Variants in AZGP1 observed in about 807,000 individuals in gnomAD.
AZGP1 encodes the protein alpha-2-glycoprotein 1, zinc-binding, also known as zinc-alpha-2-glycoprotein.
AZGP1 carries 28 observed loss-of-function variants against 31.5 expected under a neutral mutation model. The ratio of observed to expected loss-of-function variants is 0.89; its 90% CI spans 0.66 to 1.22. The LOEUF is 1.22. Among genes scored for constraint, AZGP1 ranks in the 50% most tolerant of loss-of-function variants. The probability of loss-of-function intolerance (pLI) is 0.00; values close to 1 mark genes in which losing one functional copy is unlikely to be tolerated. For synonymous variants in AZGP1, 135 were observed against 145.4 expected, an observed-to-expected ratio of 0.93 and a Z score of 0.51; for missense variants, 361 against 371.8, an observed-to-expected ratio of 0.97 and a Z score of 0.24.
chr7:99,974,369 C>T (rs950518823), intron 1 of AZGP1, among the ~76,000 whole-genome samples: 7 of 151,804 alleles, frequency 4.6e-5, no homozygotes, highest in Admixed American at 1.3e-4. Context: ...GGGCAGATCA[C>T]GAGGTCAGGA....
At chr7:99,975,158 A>C (rs761970937) in intron 1 of AZGP1, among the ~76,000 whole-genome samples, 1 of 152,190 alleles carries the variant, frequency 6.6e-6, no homozygotes, top group Non-Finnish European at 1.5e-5. Context: ...GTACGTACAT[A>C]TATATGTATA....
chr7:99,968,294 G>C lies in AZGP1; in HGVS notation c.474C>G (p.Asp158Glu). ...NKEIPAWVPF[D>E]PAAQITKQKW... ...TCTGCTTGGTTATCTGGGCTGCTGG[G>C]TCGAAGGGGACCCAGGCTGGGATTT... The change falls in exon 3 of 4, where the codon GAC becomes GAG. Residue 158 changes from aspartate to glutamate, a missense_variant. Coordinates refer to ENST00000292401, the MANE Select transcript of AZGP1 (RefSeq NM_001185.4). The C allele has an allele frequency of 6.2e-7, 1 of 1,613,788 alleles. No homozygotes were observed. Among genetic ancestry groups the C allele is most frequent in the Non-Finnish European group, 8.5e-7 (1 of 1,179,988 alleles).
At position 99,969,134 on chromosome 7, in the gene AZGP1, C is replaced by T. The variant is rs182414106; in HGVS notation, c.338-704G>A. Among the ~76,000 whole-genome samples, 99 of 151,838 alleles carry T rather than the reference C, an allele frequency of 6.5e-4. 3 individuals are homozygous for T. The highest frequency in any genetic ancestry group is 5.1e-3 in the Admixed American group (77 of 15,246). On this transcript the variant is annotated intron_variant, in intron 2 of 3. Coordinates refer to ENST00000292401, the MANE Select transcript of AZGP1 (RefSeq NM_001185.4). ...ACCAAAAATATAAAATTAGGCTGGA[C>T]GCAGTGGCTCATGCCTGTAATCCCA...
rs199572012 is a variant in AZGP1 at position 99,967,149 on chromosome 7, G to A, written c.751C>T (p.Arg251Trp). ...TTTCCATTGTGAAGAACATCTCCCCGTAACTCAGGCTCCTGCACCTCGCCG... is the reference window on the plus strand; with the variant it reads ...TTTCCATTGTGAAGAACATCTCCCCATAACTCAGGCTCCTGCACCTCGCCG... Reference protein sequence around the residue: ...RAGEVQEPELRGDVLHNGNGT... With the variant: ...RAGEVQEPELWGDVLHNGNGT... The change falls in exon 4 of 4, where the codon CGG becomes TGG. Residue 251 changes from arginine (R) to tryptophan (W), a missense_variant. Transcript: ENST00000292401. The A allele has an allele frequency of 1.9e-5, 31 of 1,614,098 alleles. No homozygotes were observed. The highest frequency in any genetic ancestry group is 2.7e-5 in the African/African-American group (2 of 75,006).
chr7:99,973,357 G>A (rs771216791), intron 1 of AZGP1, among the ~76,000 whole-genome samples: 6 of 152,070 alleles, frequency 3.9e-5, no homozygotes, highest in Non-Finnish European at 7.4e-5. Flanking sequence ...AATTTACACA[G>A]GTGCTAATGA....
At chr7:99,971,613 G>C (rs1323921637) in intron 2 of AZGP1, 133 bp downstream of exon 2, 2 of 1,168,322 alleles carry the variant, frequency 1.7e-6, no homozygotes, top group African/African-American at 3.1e-5. Context: ...GGACATGTCT[G>C]TGTTTCTGCT....
Position 99,972,004 on chromosome 7 carries a change from G to A in AZGP1, c.79C>T (p.Arg27Cys), listed in dbSNP as rs141146138. ...GTGTAGATATAGGTCAGAGAGTAAC[G>A]ACCTGCAAAAGAAAAGATTCTGATG... ...PAVPQENQDG[R>C]YSLTYIYTGL... is the part of the protein sequence containing the mutation. Residue 27 changes from arginine to cysteine, a missense_variant and splice_region_variant, in exon 2 of 4, where the codon CGT (arginine) becomes TGT (cysteine). Transcript: ENST00000292401. 1.7e-4 allele frequency: 267 copies of A among 1,601,030 alleles called. No homozygotes were observed. In the African/African-American group the frequency reaches 2.4e-3, roughly 15 times the overall value.
intron 1 of AZGP1, among the ~76,000 whole-genome samples, chr7:99,974,882 C>G (rs956733094): frequency 1.3e-5 from 2 of 151,942 alleles, no homozygotes; most frequent in African/African-American, 4.8e-5. Flanking sequence ...AGTTGAAGGC[C>G]TTAAGAGAAA....
At chr7:99,968,812 A>AATTAGCGCAGC (rs1472586976) in intron 2 of AZGP1, 3 of 231,470 alleles carry the variant, frequency 1.3e-5, no homozygotes, top group African/African-American at 7.1e-5. Context: ...AAAATATAAA[A>AATTAGCGCAGC]ATTAGCGCAG....
chr7:99,972,608 T>A (rs1789596170), intron 1 of AZGP1, among the ~76,000 whole-genome samples: 1 of 150,972 alleles, frequency 6.6e-6, no homozygotes, highest in African/African-American at 2.4e-5. Flanking sequence ...AGATCAGGAG[T>A]TGAAGACCAG....
Position 99,971,782 on chromosome 7 carries a change from G to C in AZGP1, c.301C>G (p.Leu101Val). The part of the protein sequence containing the change: ...KAREDIFMET[L>V]KDIVEYYNDS... ...TTGTAATACTCCACGATGTCTTTCAGGGTCTCCATAAAGATGTCCTCCCTG... is the reference window on the plus strand; with the variant it reads ...TTGTAATACTCCACGATGTCTTTCACGGTCTCCATAAAGATGTCCTCCCTG... Residue 101 changes from leucine (L) to valine (V), a missense_variant, in exon 2 of 4, where the codon CTG (leucine) becomes GTG (valine). Transcript: ENST00000292401. 6.2e-7 allele frequency: 1 copy of C among 1,614,012 alleles called. No individual in the cohort carries two copies.
chr7:99,967,386 C>CT, intron 3 of AZGP1, 100 bp from the exon 4 acceptor site: 5 of 1,365,172 alleles, frequency 3.7e-6, no homozygotes, highest in Non-Finnish European at 5.0e-6. Context: ...ATCAGCAGAG[C>CT]TCGAAGCTCT....
At chr7:99,975,822 G>T in intron 1 of AZGP1, 123 bp downstream of exon 1, 2 of 1,043,354 alleles carry the variant, frequency 1.9e-6, no homozygotes, top group Admixed American at 1.8e-5. Context: ...ACAGCCTTGG[G>T]CACCCATTCC....
chr7:99,967,825 G>A, intron 3 of AZGP1: 1 of 548,034 alleles, frequency 1.8e-6, no homozygotes, highest in Non-Finnish European at 3.2e-6. Flanking sequence ...CTGAAATCTG[G>A]AATTTGAGTC....
chr7:99,968,348 A>G lies in AZGP1; in HGVS notation c.420T>C (p.Asp140=), dbSNP rs1789524870. 6.2e-7 allele frequency: 1 copy of G among 1,613,672 alleles called. No individual in the cohort carries two copies. Among genetic ancestry groups the G allele is most frequent in the Non-Finnish European group, 8.5e-7 (1 of 1,179,934 alleles). Residue 140 remains aspartate (D), a synonymous_variant, in exon 3 of 4, where the codon GAT becomes GAC. Coordinates refer to ENST00000292401, the MANE Select transcript of AZGP1 (RefSeq NM_001185.4). ...TGTTGAATTCAATGTAGTCCTTTCC[A>G]TCATAGTAATATTTCCAGAATGCTC... is the stretch of plus-strand genomic sequence containing the variant. ...SSGAFWKYYY[D]GKDYIEFNKE...
intron 2 of AZGP1, chr7:99,968,638 G>T: frequency 1.6e-6 from 1 of 641,534 alleles, no homozygotes; most frequent in Admixed American, 3.2e-5. Flanking sequence ...TGGCATTTCA[G>T]GTTTGTCTCA....
intron 1 of AZGP1, among the ~76,000 whole-genome samples, chr7:99,973,665 C>T (rs764362142): frequency 6.6e-6 from 1 of 151,080 alleles, no homozygotes; most frequent in African/African-American, 2.4e-5. Context: ...CCTGTAATTC[C>T]AACACTTTGG....
At chr7:99,974,488 G>A (rs975221285) in intron 1 of AZGP1, among the ~76,000 whole-genome samples, 3 of 151,498 alleles carry the variant, frequency 2.0e-5, no homozygotes, top group Admixed American at 2.0e-4. Flanking sequence ...TCAGGAGACT[G>A]AGGCAGGAAA....
At chr7:99,971,038 C>T (rs978943632) in intron 2 of AZGP1, among the ~76,000 whole-genome samples, 3 of 152,180 alleles carry the variant, frequency 2.0e-5, no homozygotes, top group Non-Finnish European at 2.9e-5. Context: ...AACTTTAGGG[C>T]TCCAAGGAAC....
Sources: allele counts gnomAD v4.1 joint callset (sites outside exome capture counted in the v4.1 genomes callset), GRCh38; gene constraint gnomAD v4.1.1; transcripts MANE v1.5; gene names NCBI Gene and HGNC (gene_info 2026-07-23, HGNC 2026-07-21).